KIF6: variants seen among roughly 807,000 people sequenced by gnomAD.
KIF6 encodes kinesin family member 6.
In KIF6, 106 loss-of-function variants were observed where a neutral mutation model predicts 112.7. The ratio of observed to expected loss-of-function variants is 0.94; its 90% CI spans 0.80 to 1.11. KIF6 has a LOEUF of 1.11. KIF6 is among the 50% of genes least tolerant of loss of function. The pLI, the probability that KIF6 is intolerant of heterozygous loss-of-function variation, is 0.00. For missense variants in KIF6, 929 were observed against 964.0 expected, an observed-to-expected ratio of 0.96 and a Z score of 0.48; for synonymous variants, 339 against 339.9, an observed-to-expected ratio of 1.00 and a Z score of 0.03.
chr6:39,493,699 A>C (rs536511216), intron 13 of KIF6, among the ~76,000 whole-genome samples: 1 of 152,334 alleles, frequency 6.6e-6, no homozygotes, highest in East Asian at 1.9e-4. Context: ...TAAATTGGCT[A>C]TTTTCCAAAC....
chr6:39,536,363 TA>T (rs1409786200), intron 13 of KIF6, among the ~76,000 whole-genome samples: 1 of 151,666 alleles, frequency 6.6e-6, no homozygotes, highest in Non-Finnish European at 1.5e-5. Context: ...ATAGATGCAA[TA>T]AAAAATGATA....
rs1778689359 is a variant in KIF6, at chr6:39,539,880, T to C, written c.1645+123A>G. On this transcript the variant is annotated intron_variant, in intron 13 of 22. Transcript: ENST00000287152. The stretch of plus-strand genomic sequence containing the variant: ...GTGGTATTTAATTTAAGATAATTGA[T>C]AGTTATAAAAAATAATTCTAACAAA... 21 of 713,990 alleles carry C rather than the reference T, an allele frequency of 2.9e-5. No homozygotes were observed. The South Asian group carries it at 4.2e-4, about 14-fold the overall frequency. The allele number at this position is 713,990 out of a possible 1,614,324, so 44.2% of individuals were successfully genotyped here. A position where few individuals can be genotyped will look rare whatever the true frequency, so the allele number is the denominator to read the frequency against.
intron 13 of KIF6, among the ~76,000 whole-genome samples, chr6:39,454,531 CAAA>C (rs560119968): frequency 2.4e-4 from 18 of 76,040 alleles, no homozygotes; most frequent in African/African-American, 4.8e-4. Context: ...CTGAGAGCAT[CAAA>C]AAAAAAAAAA....
chr6:39,400,120 G>C (rs999536272), intron 15 of KIF6, among the ~76,000 whole-genome samples: 6 of 152,188 alleles, frequency 3.9e-5, no homozygotes, highest in African/African-American at 1.4e-4. Flanking sequence ...GAGGGACTTT[G>C]GCCATAATAT....
intron 3 of KIF6, among the ~76,000 whole-genome samples, chr6:39,643,490 A>G (rs1785012486): frequency 6.6e-6 from 1 of 152,230 alleles, no homozygotes; most frequent in Non-Finnish European, 1.5e-5. Context: ...TCAATAAAAT[A>G]AAATTAAGAA....
At chr6:39,567,010 G>A (rs945302631) in intron 10 of KIF6, among the ~76,000 whole-genome samples, 5 of 151,868 alleles carry the variant, frequency 3.3e-5, no homozygotes, top group African/African-American at 7.3e-5. Flanking sequence ...TTTTCTTTTC[G>A]GGCACTTTTT....
In KIF6 at chr6:39,455,390, C is replaced by T. The variant is rs1035870143; in HGVS notation, c.1646-24229G>A. ...TCTGTACATCACCATCATCAAAGAC[C>T]AAAAGTAGATAAAACCACAAAGATG... On this transcript the variant is annotated intron_variant, in intron 13 of 22. Coordinates refer to ENST00000287152, the MANE Select transcript of KIF6 (RefSeq NM_145027.6). Among the ~76,000 whole-genome samples the T allele has an allele frequency of 9.9e-5, 15 of 151,598 alleles. No homozygotes were observed. The Middle Eastern group carries it at 0.014, about 138-fold the overall frequency.
Position 39,502,652 on chromosome 6 carries a change from T to G in KIF6, c.1645+37351A>C, listed in dbSNP as rs1005350168. ...TCAAAATAAAGGGATGGAGGAAAATTTACCAAGCAAATGGAAAACAGAAAA... is the reference window on the plus strand; with the variant it reads ...TCAAAATAAAGGGATGGAGGAAAATGTACCAAGCAAATGGAAAACAGAAAA... On this transcript the variant is annotated intron_variant, in intron 13 of 22. Coordinates refer to ENST00000287152, the MANE Select transcript of KIF6 (RefSeq NM_145027.6). 3.9e-5 allele frequency among the ~76,000 whole-genome samples: 6 copies of G among 152,038 alleles called. No homozygotes were observed. The East Asian group carries it at 1.2e-3, about 29-fold the overall frequency.
intron 13 of KIF6, among the ~76,000 whole-genome samples, chr6:39,526,822 T>C (rs1191837321): frequency 6.6e-6 from 1 of 152,202 alleles, no homozygotes; most frequent in Non-Finnish European, 1.5e-5. Flanking sequence ...TTTAATTGCA[T>C]TCATGAGGAA....
At position 39,408,206 on chromosome 6, in the gene KIF6, A is replaced by T. The variant is rs892620465; in HGVS notation, c.1810+11742T>A. 1.6e-4 allele frequency among the ~76,000 whole-genome samples: 25 copies of T among 152,210 alleles called. 1 individual carries two copies. The highest frequency in any genetic ancestry group is 2.6e-4 in the Non-Finnish European group (18 of 68,028). ...TTTTGCTCTCCAAATGGCAAAAACT[A>T]AAATGGCTGATATGATCATGTACAA... is the stretch of plus-strand genomic sequence containing the variant. On this transcript the variant is annotated intron_variant, in intron 15 of 22. Transcript: ENST00000287152.
chr6:39,510,497 A>G (rs541693418), intron 13 of KIF6, among the ~76,000 whole-genome samples: 1 of 152,278 alleles, frequency 6.6e-6, no homozygotes, highest in East Asian at 1.9e-4. Flanking sequence ...AGCAAATGCT[A>G]AGAGATTTTG....
At chr6:39,442,345 AG>A (rs1771967586) in intron 13 of KIF6, among the ~76,000 whole-genome samples, 1 of 152,234 alleles carries the variant, frequency 6.6e-6, no homozygotes. Flanking sequence ...CAATAACAAA[AG>A]ACATCTAAAC....
intron 10 of KIF6, among the ~76,000 whole-genome samples, chr6:39,574,889 C>A (rs1456872362): frequency 6.6e-6 from 1 of 152,182 alleles, no homozygotes; most frequent in Non-Finnish European, 1.5e-5. Context: ...TCCTAGCTCA[C>A]CAATCTGCCC....
At chr6:39,495,197 A>C (rs548017782) in intron 13 of KIF6, among the ~76,000 whole-genome samples, 1 of 152,296 alleles carries the variant, frequency 6.6e-6, no homozygotes, top group South Asian at 2.1e-4. Context: ...GCACTGGTGG[A>C]GGGGTAACTG....
In KIF6 at chr6:39,499,376, G is replaced by A. The variant is rs545344029; in HGVS notation, c.1645+40627C>T. The stretch of plus-strand genomic sequence containing the variant: ...GGAGGGAGAAAAGGTATTATAAGAA[G>A]AGGCAAAAGCATGAGCCAAAAATAT... On this transcript the variant is annotated intron_variant, in intron 13 of 22. Coordinates refer to ENST00000287152, the MANE Select transcript of KIF6 (RefSeq NM_145027.6). 3.9e-5 allele frequency among the ~76,000 whole-genome samples: 6 copies of A among 152,112 alleles called. No individual in the cohort carries two copies. The East Asian group carries it at 9.7e-4, about 25-fold the overall frequency.
chr6:39,638,930 GCA>G (rs1561886970), intron 4 of KIF6, among the ~76,000 whole-genome samples: 1 of 152,044 alleles, frequency 6.6e-6, no homozygotes, highest in Non-Finnish European at 1.5e-5. Context: ...ATGGCACAAA[GCA>G]CAGAGTTAGA....
chr6:39,556,400 GGT>G (rs1280839225), intron 10 of KIF6, among the ~76,000 whole-genome samples: 1 of 152,126 alleles, frequency 6.6e-6, no homozygotes, highest in Admixed American at 6.6e-5. Context: ...ACAGAAACAA[GGT>G]TTTAGAAAAT....
At chr6:39,418,468 T>C (rs1205176446) in intron 15 of KIF6, among the ~76,000 whole-genome samples, 2 of 152,254 alleles carry the variant, frequency 1.3e-5, no homozygotes, top group Non-Finnish European at 2.9e-5. Flanking sequence ...TAAAAAGATC[T>C]AATGGTGAGT....
chr6:39,663,958 A>T (rs947861218), intron 3 of KIF6, among the ~76,000 whole-genome samples: 1 of 151,908 alleles, frequency 6.6e-6, no homozygotes, highest in Non-Finnish European at 1.5e-5. Flanking sequence ...GCCAATAAAC[A>T]TGTTGAAAGA....
Sources: gnomAD v4.1 joint callset for allele counts (sites outside exome capture counted in the v4.1 genomes callset) on GRCh38, gnomAD v4.1.1 for gene constraint, MANE v1.5 for transcripts, NCBI Gene and HGNC (gene_info 2026-07-23, HGNC 2026-07-21) for gene names.